RBM33: variants seen among roughly 807,000 people sequenced by gnomAD.
The protein encoded by RBM33 is RNA binding motif protein 33.
Under a neutral mutation model 132.6 loss-of-function variants are expected in RBM33, and 28 were observed. The observed-to-expected ratio is 0.21, with a 90% CI of 0.16 to 0.29. The LOEUF is 0.29. Among genes scored for constraint, RBM33 ranks in the 10% least tolerant of loss-of-function variants. The pLI, the probability that RBM33 is intolerant of heterozygous loss-of-function variation, is 1.00. For synonymous variants in RBM33, 634 were observed against 593.0 expected, an observed-to-expected ratio of 1.07 and a Z score of -1.01; for missense variants, 1,291 against 1,518.5, an observed-to-expected ratio of 0.85 and a Z score of 2.49.
chr7:155,661,463 A>G (rs1041102277), intron 1 of RBM33, among the ~76,000 whole-genome samples: 1 of 142,688 alleles, frequency 7.0e-6, no homozygotes, highest in African/African-American at 2.6e-5. Context: ...GCTGGAGTGC[A>G]GTGGTGTGGT....
rs1801251332 is a variant in RBM33, at chr7:155,739,716, G to T, written c.1739G>T (p.Gly580Val). 4 of 1,544,352 alleles carry T rather than the reference G, an allele frequency of 2.6e-6. No homozygotes were observed. The highest frequency in any genetic ancestry group is 1.4e-5 in the African/African-American group (1 of 72,854). Reference sequence around the variant, plus strand: ...TTTCTCTTTCTTTGGAAATGGAAGGGGCCGTTGCATCCTCCATTGCCCCCT... The same window carrying T: ...TTTCTCTTTCTTTGGAAATGGAAGGTGCCGTTGCATCCTCCATTGCCCCCT... Reference protein sequence around the residue: ...LPTHTQPNLQGPLHPPLPPPH... With the variant: ...LPTHTQPNLQVPLHPPLPPPH... The change falls in exon 12 of 18, where the codon GGG becomes GTG. Residue 580 changes from glycine (G) to valine (V), a missense_variant and splice_region_variant. Around this residue, in one of 7 missense-constraint regions of RBM33, gnomAD observed 841 missense variants for 912.0 expected, o/e 0.92. Transcript: ENST00000401878.
At chr7:155,662,224 TA>T (rs905015307) in intron 1 of RBM33, among the ~76,000 whole-genome samples, 1 of 152,174 alleles carries the variant, frequency 6.6e-6, no homozygotes, top group African/African-American at 2.4e-5. Context: ...AATTGCTTTA[TA>T]AATTGAGCCC....
chr7:155,687,029 G>A (rs1799498056), intron 5 of RBM33, among the ~76,000 whole-genome samples: 1 of 152,100 alleles, frequency 6.6e-6, no homozygotes, highest in African/African-American at 2.4e-5. Context: ...GGTATTTCTG[G>A]TTCTAGATCC....
intron 9 of RBM33, among the ~76,000 whole-genome samples, chr7:155,725,823 C>T (rs1479864569): frequency 6.6e-6 from 1 of 152,070 alleles, no homozygotes; most frequent in Non-Finnish European, 1.5e-5. Context: ...TGTTTTTTTA[C>T]CCCTGCATGA....
At chr7:155,669,633 T>G (rs1798893112) in intron 2 of RBM33, among the ~76,000 whole-genome samples, 1 of 152,206 alleles carries the variant, frequency 6.6e-6, no homozygotes, top group Non-Finnish European at 1.5e-5. Context: ...GATTACGGTG[T>G]GAATCATCAT....
Position 155,745,666 on chromosome 7 carries a change from G to T in RBM33, c.2979+64G>T. On this transcript the variant is annotated intron_variant, in intron 14 of 17. Coordinates refer to ENST00000401878, the MANE Select transcript of RBM33 (RefSeq NM_053043.3). The surrounding 1 kb of genome is among the most constrained non-coding windows in gnomAD (Gnocchi z 4.1). ...TGTATCACATAGAATGTCCTCATTTGCAGAGAATGTTTTTGAAGAAAGAAT... is the reference window on the plus strand; with the variant it reads ...TGTATCACATAGAATGTCCTCATTTTCAGAGAATGTTTTTGAAGAAAGAAT... The T allele has an allele frequency of 1.4e-6, 2 of 1,385,824 alleles. No individual in the cohort carries two copies. The highest frequency in any genetic ancestry group is 9.7e-7 in the Non-Finnish European group (1 of 1,034,224). 85.8% of individuals were successfully genotyped at this position (1,385,824 alleles called of 1,614,324 possible). A position where few individuals can be genotyped will look rare whatever the true frequency, so the allele number is the denominator to read the frequency against.
intron 1 of RBM33, chr7:155,645,299 G>T (rs186316811): frequency 3.5e-4 from 70 of 197,658 alleles, no homozygotes; most frequent in African/African-American, 1.5e-3. Flanking sequence ...GCAGGTCGCT[G>T]TAGGGTGGGT....
intron 13 of RBM33, among the ~76,000 whole-genome samples, chr7:155,743,979 GATGTGAT>G (rs1801433403): frequency 1.3e-5 from 2 of 152,136 alleles, no homozygotes; most frequent in African/African-American, 2.4e-5. Flanking sequence ...ATCTGCCCTA[GATGTGAT>G]ATTAGAGAAC....
At position 155,739,814 on chromosome 7, in the gene RBM33, CACCAGCCCCCGCCCCAGCACCAGCCCCCA is replaced by C; in HGVS notation, c.1838_1866del (p.His613ProfsTer62). On this transcript the variant is annotated frameshift_variant, in exon 12 of 18. Coordinates refer to ENST00000401878, the MANE Select transcript of RBM33 (RefSeq NM_053043.3). LOFTEE classifies it high-confidence loss of function. ...GCACCAGCCTCCGCACCAGCCCCCG[CACCAGCCCCCGCCCCAGCACCAGCCCCCA>C]CCCCAGCACCCACCACAGCACCCGC... 7.9e-7 allele frequency: 1 copy of C among 1,273,710 alleles called. No individual in the cohort carries two copies. The highest frequency in any genetic ancestry group is 1.1e-6 in the Non-Finnish European group (1 of 918,318). 78.9% of individuals were successfully genotyped at this position (1,273,710 alleles called of 1,614,324 possible).
intron 14 of RBM33, among the ~76,000 whole-genome samples, chr7:155,759,240 T>A (rs1384534182): frequency 6.6e-6 from 1 of 152,114 alleles, no homozygotes; most frequent in Non-Finnish European, 1.5e-5. Context: ...AGATCAAGCC[T>A]ACTTAAAAAA....
intron 5 of RBM33, among the ~76,000 whole-genome samples, chr7:155,691,609 G>A (rs1799643880): frequency 4.7e-5 from 1 of 21,082 alleles, no homozygotes; most frequent in Non-Finnish European, 1.8e-4. Context: ...TGATGGTTAC[G>A]TAAACTTTTA....
In RBM33 at chr7:155,745,943, C is replaced by T. The variant is rs1801502709; in HGVS notation, c.2979+341C>T. Among the ~76,000 whole-genome samples the T allele has an allele frequency of 6.6e-6, 1 of 152,130 alleles. No homozygotes were observed. Among genetic ancestry groups the T allele is most frequent in the Non-Finnish European group, 1.5e-5 (1 of 68,028 alleles). On this transcript the variant is annotated intron_variant, in intron 14 of 17. Coordinates refer to ENST00000401878, the MANE Select transcript of RBM33 (RefSeq NM_053043.3). This position sits in a 1 kb window ranked among gnomAD's most constrained non-coding sequence, Gnocchi z 4.1. ...ATGTTACTGTGCTGAATACTATAGG[C>T]AGTTGTCACACAATGATGAGTAGTT...
chr7:155,732,776 T>G (rs1276653367), intron 9 of RBM33, among the ~76,000 whole-genome samples: 1 of 152,172 alleles, frequency 6.6e-6, no homozygotes, highest in Non-Finnish European at 1.5e-5. Flanking sequence ...AGGGGACAGC[T>G]GTGTGGTGGA....
chr7:155,713,847 ACTTGT>A (rs1358775858), intron 8 of RBM33, among the ~76,000 whole-genome samples: 9 of 152,070 alleles, frequency 5.9e-5, no homozygotes, highest in Admixed American at 2.6e-4. Flanking sequence ...GAGAGGAAAA[ACTTGT>A]CTTGTCCAGG....
At chr7:155,681,421 C>G (rs1256578848) in intron 5 of RBM33, among the ~76,000 whole-genome samples, 1 of 151,096 alleles carries the variant, frequency 6.6e-6, no homozygotes, top group Non-Finnish European at 1.5e-5. Context: ...AATTCGTTAT[C>G]TATAATCAGG....
intron 7 of RBM33, among the ~76,000 whole-genome samples, chr7:155,710,335 T>G (rs1475811271): frequency 1.3e-5 from 2 of 152,044 alleles, no homozygotes; most frequent in Non-Finnish European, 2.9e-5. Context: ...TAAAAGGAGG[T>G]CAGTAAATAG....
intron 1 of RBM33, among the ~76,000 whole-genome samples, chr7:155,646,850 T>A (rs773139818): frequency 6.6e-6 from 1 of 152,260 alleles, no homozygotes; most frequent in African/African-American, 2.4e-5. Context: ...TGTTTTACCA[T>A]GCGTTCCACG....
At chr7:155,711,670 G>A (rs1402654673) in intron 8 of RBM33, among the ~76,000 whole-genome samples, 1 of 152,170 alleles carries the variant, frequency 6.6e-6, no homozygotes, top group Non-Finnish European at 1.5e-5. Flanking sequence ...GGGAGCTGCG[G>A]TTCCCAGCCC....
At chr7:155,657,091 C>T (rs762567373) in intron 1 of RBM33, among the ~76,000 whole-genome samples, 19 of 151,744 alleles carry the variant, frequency 1.3e-4, no homozygotes, top group Non-Finnish European at 1.5e-4. Context: ...ATATTTTTTG[C>T]TTATCTTGCA....
Sources: allele counts gnomAD v4.1 joint callset (sites outside exome capture counted in the v4.1 genomes callset), GRCh38; gene constraint gnomAD v4.1.1; regional missense constraint gnomAD v4.1.1; non-coding constraint Gnocchi (gnomAD v3.1); transcripts MANE v1.5; gene names NCBI Gene and HGNC (gene_info 2026-07-23, HGNC 2026-07-21).